Variants in PRSS55 observed in about 807,000 individuals in gnomAD.
PRSS55 encodes the protein serine protease 55.
A neutral mutation model predicts 23.6 loss-of-function variants in PRSS55; 41 were observed. The ratio of observed to expected loss-of-function variants is 1.74; its 90% confidence interval spans 1.35 to 2.26. The LOEUF is 2.26. Ranked by LOEUF, PRSS55 falls within the 30% of genes most tolerant of loss-of-function variation. PRSS55 has a pLI of 0.00. For synonymous variants in PRSS55, 262 were observed against 175.5 expected (o/e 1.49, Z -3.90); for missense variants, 669 against 439.1 (o/e 1.52, Z -4.68).
At chr8:10,537,858 G>A (rs906971287) in intron 4 of PRSS55, among the ~76,000 whole-genome samples, 2 of 152,160 alleles carry the variant, frequency 1.3e-5, no homozygotes, top group African/African-American at 2.4e-5. Flanking sequence ...GAAGGTGGAC[G>A]GAAGGATGTG....
At chr8:10,552,028 A>G (rs945271681) in intron 4 of PRSS55, among the ~76,000 whole-genome samples, 1 of 152,224 alleles carries the variant, frequency 6.6e-6, no homozygotes, top group Non-Finnish European at 1.5e-5. Context: ...GCCGGAAGTT[A>G]CTGGGGAAAG....
At chr8:10,535,272 CA>C (rs1194816873) in intron 4 of PRSS55, among the ~76,000 whole-genome samples, 1 of 152,116 alleles carries the variant, frequency 6.6e-6, no homozygotes, top group Non-Finnish European at 1.5e-5. Flanking sequence ...CAATCCTAAG[CA>C]AAAAGAACAA....
intron 4 of PRSS55, among the ~76,000 whole-genome samples, chr8:10,550,014 G>A (rs934396647): frequency 6.6e-6 from 1 of 152,162 alleles, no homozygotes; most frequent in African/African-American, 2.4e-5. Flanking sequence ...CCGCCTCCCA[G>A]GTTCCATCGA....
intron 4 of PRSS55, among the ~76,000 whole-genome samples, 160 bp from the exon 5 acceptor site, chr8:10,538,316 C>T (rs1812526513): frequency 6.6e-6 from 1 of 152,192 alleles, no homozygotes; most frequent in Admixed American, 6.5e-5. Flanking sequence ...ACCTCCAGAG[C>T]CAACCTGGCA....
chr8:10,539,697 T>C (rs1370369073), downstream of PRSS55, among the ~76,000 whole-genome samples: 2 of 152,232 alleles, frequency 1.3e-5, no homozygotes, highest in Admixed American at 6.5e-5. Context: ...CCCTTTTCGC[T>C]TGGCCCTTGT....
At chr8:10,550,887 G>A (rs1449874108) in intron 4 of PRSS55, among the ~76,000 whole-genome samples, 2 of 152,212 alleles carry the variant, frequency 1.3e-5, no homozygotes, top group African/African-American at 4.8e-5. Context: ...GCTGGAGGGA[G>A]GATTGCTTGC....
intron 4 of PRSS55, among the ~76,000 whole-genome samples, chr8:10,550,281 C>T (rs552137186): frequency 9.2e-5 from 14 of 152,212 alleles, no homozygotes; most frequent in Admixed American, 2.0e-4. Flanking sequence ...CTAGGGAGCC[C>T]CATAACACAG....
At chr8:10,541,605 T>C (rs1812658200), downstream of PRSS55, 1 of 152,140 alleles carries the variant, frequency 6.6e-6, no homozygotes, top group Non-Finnish European at 1.5e-5. Context: ...CCTATATCTA[T>C]ATTTATATCA....
intron 1 of PRSS55, among the ~76,000 whole-genome samples, chr8:10,527,539 G>A (rs139160482): frequency 3.3e-4 from 50 of 152,388 alleles, no homozygotes; most frequent in African/African-American, 1.2e-3. Flanking sequence ...GGCTGTTATA[G>A]ACACAGGTCA....
chr8:10,526,273 G>C (rs760618985), intron 1 of PRSS55, among the ~76,000 whole-genome samples: 1 of 152,200 alleles, frequency 6.6e-6, no homozygotes, highest in Non-Finnish European at 1.5e-5. Context: ...ACCACGGTGG[G>C]GCATCTGCTC....
At chr8:10,535,520 G>A (rs554278097) in intron 4 of PRSS55, among the ~76,000 whole-genome samples, 1 of 152,320 alleles carries the variant, frequency 6.6e-6, no homozygotes, top group East Asian at 1.9e-4. Flanking sequence ...GCCATATGCA[G>A]AAGATTGAAA....
chr8:10,531,603 G>A lies in PRSS55; in HGVS notation c.598+58G>A, dbSNP rs1812269953. 1.3e-5 allele frequency: 20 copies of A among 1,594,076 alleles called. No homozygotes were observed. In the South Asian group the frequency reaches 1.7e-4, roughly 13 times the overall value. ...AGCCACTGCAATGTGAAGGAGAGGG[G>A]AGGAAGCTAAGGAAGGAGTGAGGAC... On this transcript the variant is annotated intron_variant, in intron 3 of 4. Transcript: ENST00000328655.
At chr8:10,540,903 C>G (rs1296147144), downstream of PRSS55, 2 of 152,452 alleles carry the variant, frequency 1.3e-5, no homozygotes, top group Admixed American at 1.3e-4. Flanking sequence ...GACATCACCA[C>G]TGTCCACTCC....
chr8:10,541,648 T>C (rs1039317179), downstream of PRSS55: 5 of 152,246 alleles, frequency 3.3e-5, no homozygotes, highest in African/African-American at 1.2e-4. Context: ...GCTCTATCTA[T>C]CTATCTAATC....
intron 1 of PRSS55, 33 bp from the exon 2 acceptor site, chr8:10,529,474 C>T (rs1277189215): frequency 6.2e-7 from 1 of 1,608,114 alleles, no homozygotes; most frequent in Non-Finnish European, 8.5e-7. Context: ...AAGTGTTTCC[C>T]CTTTTCCTTT....
chr8:10,533,518 T>C (rs1235475515), intron 4 of PRSS55, among the ~76,000 whole-genome samples: 1 of 152,184 alleles, frequency 6.6e-6, no homozygotes, highest in African/African-American at 2.4e-5. Flanking sequence ...ATATTGGGTG[T>C]TGCATGTGGG....
downstream of PRSS55, among the ~76,000 whole-genome samples, chr8:10,543,451 C>CTTTT (rs1812722481): frequency 1.1e-4 from 3 of 26,820 alleles, no homozygotes; most frequent in Non-Finnish European, 1.1e-4. Flanking sequence ...TTCCATCCTT[C>CTTTT]CTTCCTTCCT....
intron 4 of PRSS55, among the ~76,000 whole-genome samples, chr8:10,550,130 G>C (rs1172957366): frequency 5.3e-5 from 8 of 152,092 alleles, no homozygotes; most frequent in African/African-American, 1.9e-4. Context: ...TGTTGGCCAG[G>C]CTGATTGGTC....
At chr8:10,534,261 A>G (rs1384666225) in intron 4 of PRSS55, among the ~76,000 whole-genome samples, 1 of 152,218 alleles carries the variant, frequency 6.6e-6, no homozygotes, top group Non-Finnish European at 1.5e-5. Context: ...ATAAAAACAA[A>G]AAGGCTCTGA....
Sources: gnomAD v4.1 joint callset for allele counts (sites outside exome capture counted in the v4.1 genomes callset) on GRCh38, gnomAD v4.1.1 for gene constraint, MANE v1.5 for transcripts, NCBI Gene and HGNC (gene_info 2026-07-23, HGNC 2026-07-21) for gene names.